TBC1D5: variants seen among roughly 807,000 people sequenced by gnomAD.
The protein encoded by TBC1D5 is TBC1 domain family, member 5.
Under a neutral mutation model 100.3 loss-of-function variants are expected in TBC1D5, and 75 were observed. That is an observed-to-expected ratio of 0.75 (90% CI 0.62 to 0.91). The LOEUF (loss-of-function observed/expected upper bound fraction) is 0.91, where lower values mean the gene tolerates loss of function less well. TBC1D5 is among the 40% of genes least tolerant of loss of function. The pLI, the probability that TBC1D5 is intolerant of heterozygous loss-of-function variation, is 0.00. For missense variants in TBC1D5, 910 were observed against 942.4 expected (o/e 0.97, Z 0.45); for synonymous variants, 323 against 325.6 (o/e 0.99, Z 0.09).
chr3:17,670,752 T>C (rs1204491302), intron 1 of TBC1D5, among the ~76,000 whole-genome samples: 1 of 152,240 alleles, frequency 6.6e-6, no homozygotes, highest in Non-Finnish European at 1.5e-5. Context: ...GTAGTAGGCA[T>C]ATTCCAGATT....
chr3:17,411,776 C>T (rs933768945), intron 4 of TBC1D5, among the ~76,000 whole-genome samples: 2 of 152,088 alleles, frequency 1.3e-5, no homozygotes, highest in Non-Finnish European at 2.9e-5. Flanking sequence ...GACCCTGTAC[C>T]TTGATTACGG....
chr3:17,227,467 ATTT>A (rs1429007328), intron 17 of TBC1D5, among the ~76,000 whole-genome samples: 1 of 152,074 alleles, frequency 6.6e-6, no homozygotes, highest in African/African-American at 2.4e-5. Context: ...CAATTATCAA[ATTT>A]TTTCTAAAGT....
intron 2 of TBC1D5, among the ~76,000 whole-genome samples, chr3:17,557,953 C>T (rs554756581): frequency 6.6e-6 from 1 of 152,166 alleles, no homozygotes; most frequent in South Asian, 2.1e-4. Flanking sequence ...ATGTTATGAA[C>T]ACATTAGAAA....
chr3:17,221,054 ACTTCTTCTTGGGTCAATTTT>A (rs1225983475), intron 17 of TBC1D5, among the ~76,000 whole-genome samples: 1 of 151,926 alleles, frequency 6.6e-6, no homozygotes, highest in Non-Finnish European at 1.5e-5. Context: ...AAGGATTTCT[ACTTCTTCTTGGGTCAATTTT>A]CTTCTTCTTG....
At chr3:17,695,662 C>A (rs1264275200) in intron 1 of TBC1D5, among the ~76,000 whole-genome samples, 1 of 152,110 alleles carries the variant, frequency 6.6e-6, no homozygotes, top group Non-Finnish European at 1.5e-5. Context: ...GACTTTAACA[C>A]CCCACTGTCA....
At chr3:17,288,996 G>C (rs1254241272) in intron 15 of TBC1D5, among the ~76,000 whole-genome samples, 1 of 152,220 alleles carries the variant, frequency 6.6e-6, no homozygotes, top group Non-Finnish European at 1.5e-5. Flanking sequence ...CGGACAACAG[G>C]ACTAAATGAG....
chr3:17,493,246 T>A (rs1036695146), intron 3 of TBC1D5, among the ~76,000 whole-genome samples: 4 of 151,746 alleles, frequency 2.6e-5, no homozygotes, highest in Non-Finnish European at 5.9e-5. Flanking sequence ...TTTTTTTTTT[T>A]AAGAATGTTG....
chr3:17,667,893 G>A (rs993951413), intron 1 of TBC1D5, among the ~76,000 whole-genome samples: 1 of 151,586 alleles, frequency 6.6e-6, no homozygotes, highest in Non-Finnish European at 1.5e-5. Context: ...CTTATGAAAT[G>A]ATACATGTTG....
intron 13 of TBC1D5, among the ~76,000 whole-genome samples, chr3:17,347,246 T>TTG (rs1296654763): frequency 6.6e-6 from 1 of 152,146 alleles, no homozygotes; most frequent in African/African-American, 2.4e-5. Flanking sequence ...GTATTCGTTT[T>TTG]TGTCTAACTC....
rs34847216 is a variant in TBC1D5, at chr3:17,484,455, GGTGT to G, written c.97+24015_97+24018del. On this transcript the variant is annotated intron_variant, in intron 3 of 21. Transcript: ENST00000253692. ...TTTAAAGATAATAAGGTAACACCAG[GGTGT>G]GTGTGTGTGTGTGTGTGTGTGTGTG... 9.9e-3 allele frequency among the ~76,000 whole-genome samples: 1,099 copies of G among 111,462 alleles called. 36 individuals are homozygous for G. Among genetic ancestry groups the G allele is most frequent in the African/African-American group, 0.037 (914 of 24,970 alleles). 73.1% of individuals were successfully genotyped at this position (111,462 alleles called of 152,430 possible).
At chr3:17,706,107 A>T in intron 1 of TBC1D5, 1 of 1,606,204 alleles carries the variant, frequency 6.2e-7, no homozygotes, top group Non-Finnish European at 8.5e-7. Context: ...CTTGCCCTCG[A>T]AGGTGAAGTC....
intron 1 of TBC1D5, among the ~76,000 whole-genome samples, chr3:17,667,232 C>G (rs967802531): frequency 3.3e-5 from 5 of 152,070 alleles, no homozygotes; most frequent in Admixed American, 6.5e-5. Flanking sequence ...CACTAAGCAG[C>G]AAAATACTTC....
chr3:17,438,842 C>T (rs1243653182), intron 3 of TBC1D5, among the ~76,000 whole-genome samples: 2 of 151,816 alleles, frequency 1.3e-5, no homozygotes, highest in African/African-American at 4.8e-5. Context: ...AACAACAAAA[C>T]AAAAAATCAT....
chr3:17,679,339 A>C (rs1347465313), intron 1 of TBC1D5, among the ~76,000 whole-genome samples: 1 of 151,584 alleles, frequency 6.6e-6, no homozygotes, highest in Non-Finnish European at 1.5e-5. Context: ...TATTGGAAAC[A>C]AGACCAGAAT....
At chr3:17,243,414 C>T (rs1457648863) in intron 16 of TBC1D5, among the ~76,000 whole-genome samples, 1 of 152,006 alleles carries the variant, frequency 6.6e-6, no homozygotes, top group Non-Finnish European at 1.5e-5. Flanking sequence ...TTTGAGGTGA[C>T]AGATACGCTA....
intron 13 of TBC1D5, among the ~76,000 whole-genome samples, chr3:17,331,578 C>G (rs1461430242): frequency 6.6e-6 from 1 of 152,184 alleles, no homozygotes; most frequent in African/African-American, 2.4e-5. Context: ...AAGAATGTAT[C>G]TATGCCAGGT....
At chr3:17,518,507 C>T (rs978865567) in intron 2 of TBC1D5, among the ~76,000 whole-genome samples, 1 of 152,200 alleles carries the variant, frequency 6.6e-6, no homozygotes, top group East Asian at 1.9e-4. Context: ...ATTACCTACC[C>T]ACCCCATCTC....
At chr3:17,531,071 A>G (rs1328266775) in intron 2 of TBC1D5, among the ~76,000 whole-genome samples, 2 of 152,242 alleles carry the variant, frequency 1.3e-5, no homozygotes, top group East Asian at 1.9e-4. Context: ...ACATGATTGT[A>G]TATCTAGAAA....
chr3:17,186,383 G>A (rs1043379770), intron 18 of TBC1D5, among the ~76,000 whole-genome samples: 31 of 152,222 alleles, frequency 2.0e-4, no homozygotes, highest in African/African-American at 6.7e-4. Context: ...GAACTAGCCC[G>A]TAGGAATAGG....
Sources: allele counts gnomAD v4.1 joint callset (sites outside exome capture counted in the v4.1 genomes callset), GRCh38; gene constraint gnomAD v4.1.1; transcripts MANE v1.5; gene names NCBI Gene and HGNC (gene_info 2026-07-23, HGNC 2026-07-21).